DRAXIN: variants seen among roughly 807,000 people sequenced by gnomAD.
The protein encoded by DRAXIN is dorsal inhibitory axon guidance protein.
In DRAXIN, 27 loss-of-function variants were observed where a neutral mutation model predicts 33.9. The observed-to-expected ratio is 0.80, with a 90% CI of 0.59 to 1.10. The LOEUF (loss-of-function observed/expected upper bound fraction) is 1.10. Ranked by LOEUF, DRAXIN falls within the 50% of genes least tolerant of loss-of-function variation. The probability of loss-of-function intolerance (pLI) is 0.00; values close to 1 mark genes in which losing one functional copy is unlikely to be tolerated. For synonymous variants in DRAXIN, 178 were observed against 194.0 expected (o/e 0.92, Z 0.69); for missense variants, 371 against 460.8 (o/e 0.81, Z 1.78).
upstream of DRAXIN, among the ~76,000 whole-genome samples, chr1:11,689,292 CAAAAA>C (rs70983584): frequency 4.6e-3 from 315 of 67,976 alleles, 2 homozygotes; most frequent in African/African-American, 0.019. Flanking sequence ...GACTCTGTCT[CAAAAA>C]AAAAAAAAAA....
At position 11,709,370 on chromosome 1, in the gene DRAXIN, A is replaced by G. The variant is rs748173552; in HGVS notation, c.547A>G (p.Ser183Gly). The change falls in exon 3 of 7, where the codon AGC (serine) becomes GGC (glycine). Residue 183 changes from serine to glycine, a missense_variant. Coordinates refer to ENST00000294485, the MANE Select transcript of DRAXIN (RefSeq NM_198545.4). ...LDAAMEESSTSLAPTMFFLTT... is the reference protein window; with the variant it reads ...LDAAMEESSTGLAPTMFFLTT... ...TGCAGCCATGGAGGAATCCTCCACC[A>G]GCCTGGCGCCCACCATGTTCTTTCT... is the stretch of plus-strand genomic sequence containing the variant. 2.5e-6 allele frequency: 4 copies of G among 1,614,000 alleles called. No individual in the cohort carries two copies. The South Asian group carries it at 4.4e-5, about 18-fold the overall frequency.
At chr1:11,699,976 C>T (rs968943222) in intron 1 of DRAXIN, among the ~76,000 whole-genome samples, 2 of 149,642 alleles carry the variant, frequency 1.3e-5, no homozygotes, top group African/African-American at 4.9e-5. Context: ...TAGTAGCTCA[C>T]ACCTGTAATC....
chr1:11,707,643 G>A (rs923651869), intron 2 of DRAXIN, among the ~76,000 whole-genome samples: 2 of 152,228 alleles, frequency 1.3e-5, no homozygotes, highest in Admixed American at 6.5e-5. Flanking sequence ...CTGGACACAG[G>A]TGACTCCAGG....
chr1:11,687,428 T>A (rs971881249), upstream of DRAXIN, among the ~76,000 whole-genome samples: 3 of 152,128 alleles, frequency 2.0e-5, no homozygotes, highest in Admixed American at 6.6e-5. This position sits in a 1 kb window ranked among gnomAD's most constrained non-coding sequence, Gnocchi z 4.1. Context: ...TTAGTAGACA[T>A]GAGGTTTTGC....
rs1641685246 is a variant in DRAXIN, at chr1:11,723,476, T to C, written c.*3780T>C. ...TCCACCTATTCCACCTCTCACAGCTTTGGCAACCTTAGGAAAGTTTCTTAA... is the reference window on the plus strand; with the variant it reads ...TCCACCTATTCCACCTCTCACAGCTCTGGCAACCTTAGGAAAGTTTCTTAA... On this transcript the variant is annotated 3_prime_UTR_variant, in exon 7 of 7. Transcript: ENST00000294485. 6.6e-6 allele frequency: 1 copy of C among 152,206 alleles called. No individual in the cohort carries two copies. Among genetic ancestry groups the C allele is most frequent in the Non-Finnish European group, 1.5e-5 (1 of 68,052 alleles). 9.4% of individuals were successfully genotyped at this position (152,206 alleles called of 1,614,324 possible).
In DRAXIN at chr1:11,723,995, T is replaced by G. The variant is rs1641692079; in HGVS notation, c.*4299T>G. 6.6e-6 allele frequency: 1 copy of G among 152,218 alleles called. No individual in the cohort carries two copies. Among genetic ancestry groups the G allele is most frequent in the African/African-American group, 2.4e-5 (1 of 41,450 alleles). 9.4% of individuals were successfully genotyped at this position (152,218 alleles called of 1,614,324 possible). A position where few individuals can be genotyped will look rare whatever the true frequency, so the allele number is the denominator to read the frequency against. ...ATTCTAGGAGAATTTTAGATGTCGG[T>G]TCTTTGACAATGACCCATCACATAC... On this transcript the variant is annotated 3_prime_UTR_variant, in exon 7 of 7. Coordinates refer to ENST00000294485, the MANE Select transcript of DRAXIN (RefSeq NM_198545.4).
intron 5 of DRAXIN, among the ~76,000 whole-genome samples, chr1:11,713,922 A>G (rs1641535444): frequency 6.6e-6 from 1 of 152,078 alleles, no homozygotes; most frequent in African/African-American, 2.4e-5. Flanking sequence ...AATCCTAGCT[A>G]CTCAGGAGGC....
Position 11,719,946 on chromosome 1 carries a change from C to T in DRAXIN, c.*250C>T. 1 of 479,966 alleles carries T rather than the reference C, an allele frequency of 2.1e-6. No individual in the cohort carries two copies. Among genetic ancestry groups the T allele is most frequent in the Non-Finnish European group, 3.9e-6 (1 of 259,172 alleles). The allele number at this position is 479,966 out of a possible 1,614,324, so 29.7% of individuals were successfully genotyped here. On this transcript the variant is annotated 3_prime_UTR_variant, in exon 7 of 7. Transcript: ENST00000294485. ...TCCATCCCGCGTGTCTTGCTCTCCG[C>T]GATGGCAATGCCGAGAGTGCCCTCT...
upstream of DRAXIN, among the ~76,000 whole-genome samples, chr1:11,689,955 G>A (rs1448106208): frequency 6.6e-6 from 1 of 151,862 alleles, no homozygotes; most frequent in African/African-American, 2.4e-5. Context: ...GACCTTTGCA[G>A]TGGCTCTTCT....
At chr1:11,702,473 C>A (rs1449222129) in intron 1 of DRAXIN, among the ~76,000 whole-genome samples, 1 of 151,788 alleles carries the variant, frequency 6.6e-6, no homozygotes, top group South Asian at 2.1e-4. Flanking sequence ...CATACCTACA[C>A]ACCCACACAT....
chr1:11,715,234 G>A (rs1450859451), intron 6 of DRAXIN, 26 bp downstream of exon 6: 4 of 1,613,638 alleles, frequency 2.5e-6, no homozygotes, highest in East Asian at 2.2e-5. Flanking sequence ...TTTGCGGGGG[G>A]CTACCCATGC....
upstream of DRAXIN, among the ~76,000 whole-genome samples, chr1:11,690,276 T>C (rs1557683630): frequency 1.3e-5 from 2 of 152,302 alleles, no homozygotes; most frequent in Middle Eastern, 6.8e-3. This position sits in a 1 kb window ranked among gnomAD's most constrained non-coding sequence, Gnocchi z 4.2. Context: ...TCAATAGGTA[T>C]TTATGGGATG....
At chr1:11,686,695 G>C in the DRAXIN span, among the ~76,000 whole-genome samples, 1 of 151,396 alleles carries the variant, frequency 6.6e-6, no homozygotes, top group African/African-American at 2.4e-5. Context: ...GAGCCACTGC[G>C]CCCGGCCCAG....
rs947409264 is a variant in DRAXIN at position 11,692,873 on chromosome 1, A to G, written c.-11+1020A>G. Reference sequence around the variant, plus strand: ...CCTGTCACAAAACAGGGATGGTGCTAGTCCCTACCTATAGGGATGTGTGTG... The same window carrying G: ...CCTGTCACAAAACAGGGATGGTGCTGGTCCCTACCTATAGGGATGTGTGTG... On this transcript the variant is annotated intron_variant, in intron 1 of 6. Coordinates refer to ENST00000294485, the MANE Select transcript of DRAXIN (RefSeq NM_198545.4). This position sits in a 1 kb window ranked among gnomAD's most constrained non-coding sequence, Gnocchi z 5.8. Among the ~76,000 whole-genome samples, 1 of 151,398 alleles carries G rather than the reference A, an allele frequency of 6.6e-6. No homozygotes were observed. Among genetic ancestry groups the G allele is most frequent in the Admixed American group, 6.6e-5 (1 of 15,192 alleles).
chr1:11,689,820 G>C (rs977267332), upstream of DRAXIN, among the ~76,000 whole-genome samples: 1 of 151,902 alleles, frequency 6.6e-6, no homozygotes, highest in African/African-American at 2.4e-5. Flanking sequence ...CCTCTCCTGA[G>C]GTCTGGGTCA....
chr1:11,706,857 G>T lies in DRAXIN; in HGVS notation c.451+148G>T, dbSNP rs1641391881. On this transcript the variant is annotated intron_variant, in intron 2 of 6. Coordinates refer to ENST00000294485, the MANE Select transcript of DRAXIN (RefSeq NM_198545.4). The surrounding 1 kb of genome is among the most constrained non-coding windows in gnomAD (Gnocchi z 5.5). Reference sequence around the variant, plus strand: ...AAGCCAGAGGGACCTGGTAAGGGGAGGAGGCTGGGAGAGGCCTGGGGTTGG... The same window carrying T: ...AAGCCAGAGGGACCTGGTAAGGGGATGAGGCTGGGAGAGGCCTGGGGTTGG... The T allele has an allele frequency of 4.5e-6, 4 of 890,228 alleles. No homozygotes were observed. The highest frequency in any genetic ancestry group is 2.9e-5 in the Admixed American group (1 of 34,084). The allele number at this position is 890,228 out of a possible 1,614,324, so 55.1% of individuals were successfully genotyped here. A position where few individuals can be genotyped will look rare whatever the true frequency, so the allele number is the denominator to read the frequency against.
At chr1:11,718,757 C>T (rs1641617091) in intron 6 of DRAXIN, among the ~76,000 whole-genome samples, 1 of 152,172 alleles carries the variant, frequency 6.6e-6, no homozygotes, top group African/African-American at 2.4e-5. Flanking sequence ...TGTGAGCCAC[C>T]GTACCCTGTG....
At chr1:11,695,462 T>C (rs1056606447) in intron 1 of DRAXIN, among the ~76,000 whole-genome samples, 1 of 151,818 alleles carries the variant, frequency 6.6e-6, no homozygotes, top group Non-Finnish European at 1.5e-5. Flanking sequence ...GGTGCACGCC[T>C]ATAATCCCAG....
chr1:11,719,574 A>T lies in DRAXIN; in HGVS notation c.938-10A>T, dbSNP rs776051992. 1 of 1,605,180 alleles carries T rather than the reference A, an allele frequency of 6.2e-7. No homozygotes were observed. The highest frequency in any genetic ancestry group is 2.2e-5 in the East Asian group (1 of 44,482). ...CGCGCCTCTGACCCCCCTTGCCTCC[A>T]CTCGCCCAGGGCTGCGCTGCTATGC... On this transcript the variant is annotated splice_polypyrimidine_tract_variant and intron_variant, in intron 6 of 6. Coordinates refer to ENST00000294485, the MANE Select transcript of DRAXIN (RefSeq NM_198545.4).
Sources: allele counts gnomAD v4.1 joint callset (sites outside exome capture counted in the v4.1 genomes callset), GRCh38; gene constraint gnomAD v4.1.1; non-coding constraint Gnocchi (gnomAD v3.1); transcripts MANE v1.5; gene names NCBI Gene and HGNC (gene_info 2026-07-23, HGNC 2026-07-21).